SLIT2: variants seen among roughly 807,000 people sequenced by gnomAD.
The protein encoded by SLIT2 is slit guidance ligand 2.
Under a neutral mutation model 185.7 loss-of-function variants are expected in SLIT2, and 41 were observed. That is an observed-to-expected ratio of 0.22 (90% confidence interval 0.17 to 0.29). The LOEUF (loss-of-function observed/expected upper bound fraction) is 0.29. Ranked by LOEUF, SLIT2 falls within the 10% of genes least tolerant of loss-of-function variation. SLIT2 has a pLI of 1.00. For missense variants in SLIT2, 1,571 were observed against 1,909.0 expected (o/e 0.82, Z 3.30); for synonymous variants, 693 against 680.2 (o/e 1.02, Z -0.29).
At chr4:20,295,759 A>T (rs1156503946) in intron 4 of SLIT2, among the ~76,000 whole-genome samples, 2 of 152,228 alleles carry the variant, frequency 1.3e-5, no homozygotes, top group African/African-American at 4.8e-5. Flanking sequence ...TAAAAAATTT[A>T]AAATTGATGC....
intron 4 of SLIT2, among the ~76,000 whole-genome samples, chr4:20,379,787 G>A (rs1348529211): frequency 6.6e-6 from 1 of 152,146 alleles, no homozygotes; most frequent in African/African-American, 2.4e-5. Context: ...GAAACAAGGT[G>A]AGCTCCGCGA....
At chr4:20,324,458 C>CAAGGAAAA (rs1719381596) in intron 4 of SLIT2, among the ~76,000 whole-genome samples, 1 of 152,088 alleles carries the variant, frequency 6.6e-6, no homozygotes, top group Non-Finnish European at 1.5e-5. Context: ...TAAAATTCTT[C>CAAGGAAAA]CTTAAAGTAA....
chr4:20,419,489 A>G (rs1392918867), intron 4 of SLIT2, among the ~76,000 whole-genome samples: 3 of 152,150 alleles, frequency 2.0e-5, no homozygotes, highest in Non-Finnish European at 2.9e-5. Context: ...GGGAAAAAGG[A>G]GACTAGAACA....
chr4:20,511,587 A>ATTTTTTTTTTTTTTTTTT lies in SLIT2; in HGVS notation c.1058+466_1058+467insTTTTTTTTTTTTTTTTTT, dbSNP rs759622666. On this transcript the variant is annotated intron_variant, in intron 11 of 36. Coordinates refer to ENST00000504154, the MANE Select transcript of SLIT2 (RefSeq NM_004787.4). ...AGGCGCCTGCCACCACATCCAGCTA[A>ATTTTTTTTTTTTTTTTTT]TTTTTTTTTTTTTTTTATTTTTGGT... Among the ~76,000 whole-genome samples the ATTTTTTTTTTTTTTTTTT allele has an allele frequency of 8.4e-3, 686 of 82,098 alleles. 68 individuals carry two copies. Among genetic ancestry groups the ATTTTTTTTTTTTTTTTTT allele is most frequent in the African/African-American group, 0.027 (540 of 19,932 alleles). 53.9% of individuals were successfully genotyped at this position (82,098 alleles called of 152,430 possible). A position where few individuals can be genotyped will look rare whatever the true frequency, so the allele number is the denominator to read the frequency against.
At chr4:20,277,076 G>T (rs1289262043) in intron 4 of SLIT2, among the ~76,000 whole-genome samples, 1 of 152,156 alleles carries the variant, frequency 6.6e-6, no homozygotes, top group Non-Finnish European at 1.5e-5. Flanking sequence ...TTAGAGTGTT[G>T]TGGGAACTTG....
chr4:20,472,350 A>ATC (rs1715300436), intron 5 of SLIT2, among the ~76,000 whole-genome samples: 1 of 85,736 alleles, frequency 1.2e-5, no homozygotes, highest in East Asian at 3.4e-4. Flanking sequence ...ATATATAGAT[A>ATC]TAGATATCTA....
In SLIT2 at chr4:20,374,505, T is replaced by C. The variant is rs536931076; in HGVS notation, c.396-93247T>C. On this transcript the variant is annotated intron_variant, in intron 4 of 36. Transcript: ENST00000504154. ...AAGCAGTCCAGACCTTTCTTTGTTG[T>C]CTGAGACTCAATAGTTTCCTGCTGA... is the stretch of plus-strand genomic sequence containing the variant. Among the ~76,000 whole-genome samples, 87 of 152,256 alleles carry C rather than the reference T, an allele frequency of 5.7e-4. No homozygotes were observed. In the South Asian group the frequency reaches 0.014, roughly 25 times the overall value.
At chr4:20,296,944 G>A (rs954251441) in intron 4 of SLIT2, among the ~76,000 whole-genome samples, 8 of 152,178 alleles carry the variant, frequency 5.3e-5, no homozygotes, top group African/African-American at 1.9e-4. Context: ...AAGGCTGACA[G>A]GTCAGCATGC....
At chr4:20,355,710 A>T (rs2109277241) in intron 4 of SLIT2, among the ~76,000 whole-genome samples, 1 of 152,262 alleles carries the variant, frequency 6.6e-6, no homozygotes, top group South Asian at 2.1e-4. Flanking sequence ...CCAAAACTTT[A>T]CTTTGTTTCT....
intron 3 of SLIT2, among the ~76,000 whole-genome samples, chr4:20,260,541 T>G (rs1339700600): frequency 6.6e-6 from 1 of 151,898 alleles, no homozygotes; most frequent in Non-Finnish European, 1.5e-5. Context: ...AAAATAATTC[T>G]AAATTACATT....
chr4:20,580,343 A>G (rs531605778), intron 29 of SLIT2, among the ~76,000 whole-genome samples: 3 of 151,752 alleles, frequency 2.0e-5, no homozygotes, highest in African/African-American at 4.8e-5. Context: ...CGGTTGATAT[A>G]ATGTAAAGTA....
At position 20,594,779 on chromosome 4, in the gene SLIT2, C is replaced by T. The variant is rs117454796; in HGVS notation, c.3183-918C>T. Among the ~76,000 whole-genome samples the T allele has an allele frequency of 2.6e-3, 394 of 152,294 alleles. 10 individuals carry two copies. The South Asian group carries it at 0.059, about 23-fold the overall frequency. On this transcript the variant is annotated intron_variant, in intron 30 of 36. Transcript: ENST00000504154. Reference sequence around the variant, plus strand: ...TGCAGTGGTTAGAAATACAAGCTTTCTTGTTAGATTGCTTGAGTTTGATTC... The same window carrying T: ...TGCAGTGGTTAGAAATACAAGCTTTTTTGTTAGATTGCTTGAGTTTGATTC...
At chr4:20,269,221 G>T (rs889661116) in intron 4 of SLIT2, among the ~76,000 whole-genome samples, 2 of 151,876 alleles carry the variant, frequency 1.3e-5, no homozygotes, top group Non-Finnish European at 2.9e-5. Flanking sequence ...TTAAGAGGAA[G>T]TTGGCAGTGT....
At chr4:20,570,603 A>G (rs1577946394) in intron 29 of SLIT2, among the ~76,000 whole-genome samples, 1 of 151,140 alleles carries the variant, frequency 6.6e-6, no homozygotes, top group Non-Finnish European at 1.5e-5. Context: ...GGGCTTAAGA[A>G]CCCAGTTAAT....
chr4:20,429,508 C>A (rs145985524), intron 4 of SLIT2, among the ~76,000 whole-genome samples: 1 of 151,818 alleles, frequency 6.6e-6, no homozygotes, highest in Non-Finnish European at 1.5e-5. Context: ...TGATGGAGAA[C>A]CTGGAAGTAA....
chr4:20,400,425 A>C (rs1457510919), intron 4 of SLIT2, among the ~76,000 whole-genome samples: 11 of 151,950 alleles, frequency 7.2e-5, no homozygotes, highest in Middle Eastern at 3.4e-3. Flanking sequence ...AGGTAGAAAA[A>C]GAGATGAGTA....
At chr4:20,383,789 A>G (rs1018678906) in intron 4 of SLIT2, among the ~76,000 whole-genome samples, 1 of 151,990 alleles carries the variant, frequency 6.6e-6, no homozygotes, top group Non-Finnish European at 1.5e-5. Flanking sequence ...TGCAATCTCC[A>G]TCTCCCGGAT....
At chr4:20,578,565 T>A (rs948551029) in intron 29 of SLIT2, among the ~76,000 whole-genome samples, 2 of 152,182 alleles carry the variant, frequency 1.3e-5, no homozygotes, top group African/African-American at 4.8e-5. Flanking sequence ...CAGTATCAGC[T>A]CCAGTACCCT....
At chr4:20,497,261 GGA>G (rs746080137) in intron 9 of SLIT2, among the ~76,000 whole-genome samples, 3 of 62,556 alleles carry the variant, frequency 4.8e-5, no homozygotes, top group Non-Finnish European at 8.9e-5. Flanking sequence ...AAAAAACTTG[GGA>G]AAAAAAAAAA....
Sources: gnomAD v4.1 joint callset for allele counts (sites outside exome capture counted in the v4.1 genomes callset) on GRCh38, gnomAD v4.1.1 for gene constraint, MANE v1.5 for transcripts, NCBI Gene and HGNC (gene_info 2026-07-23, HGNC 2026-07-21) for gene names.